LAMA4: variants seen among roughly 807,000 people sequenced by gnomAD.
LAMA4 encodes the protein laminin subunit alpha 4.
In LAMA4, 127 loss-of-function variants were observed where a neutral mutation model predicts 207.1. That is an observed-to-expected ratio of 0.61 (90% CI 0.53 to 0.71). The LOEUF (loss-of-function observed/expected upper bound fraction) is 0.71. Among genes scored for constraint, LAMA4 ranks in the 30% least tolerant of loss-of-function variants. The probability of loss-of-function intolerance (pLI) is 0.00; values close to 1 mark genes in which losing one functional copy is unlikely to be tolerated. For missense variants in LAMA4, 2,093 were observed against 2,246.5 expected, an observed-to-expected ratio of 0.93 and a Z score of 1.38; for synonymous variants, 761 against 816.0, an observed-to-expected ratio of 0.93 and a Z score of 1.15.
chr6:112,113,499 A>C (rs1777826628), intron 38 of LAMA4, among the ~76,000 whole-genome samples: 1 of 152,200 alleles, frequency 6.6e-6, no homozygotes, highest in African/African-American at 2.4e-5. Context: ...GTTGTCCATA[A>C]GTGTCCTGTC....
At chr6:112,228,277 A>G (rs1785340153) in intron 2 of LAMA4, among the ~76,000 whole-genome samples, 1 of 152,180 alleles carries the variant, frequency 6.6e-6, no homozygotes, top group African/African-American at 2.4e-5. Flanking sequence ...CGGAATTTAG[A>G]TTATGTTCTT....
intron 25 of LAMA4, chr6:112,135,832 A>T: frequency 2.7e-6 from 1 of 371,106 alleles, no homozygotes; most frequent in Non-Finnish European, 5.1e-6. Context: ...ATCCTGTAGG[A>T]ATACCAATTG....
At chr6:112,251,076 G>T (rs1176141550) in intron 2 of LAMA4, among the ~76,000 whole-genome samples, 1 of 152,144 alleles carries the variant, frequency 6.6e-6, no homozygotes, top group African/African-American at 2.4e-5. Context: ...CAGCAATAAA[G>T]GACTCAGTAG....
chr6:112,209,722 A>G (rs1583898184), intron 3 of LAMA4, among the ~76,000 whole-genome samples: 3 of 152,294 alleles, frequency 2.0e-5, no homozygotes, highest in Admixed American at 2.0e-4. Flanking sequence ...TTACTTTGAG[A>G]TTGCAAAATG....
At chr6:112,160,522 AG>A (rs1332476408) in intron 13 of LAMA4, among the ~76,000 whole-genome samples, 1 of 152,196 alleles carries the variant, frequency 6.6e-6, no homozygotes, top group East Asian at 1.9e-4. Context: ...GCTTTGACAC[AG>A]TGCACTTTAC....
chr6:112,159,814 G>A (rs1583755250), intron 13 of LAMA4, among the ~76,000 whole-genome samples: 1 of 152,180 alleles, frequency 6.6e-6, no homozygotes, highest in African/African-American at 2.4e-5. Flanking sequence ...TGAGAGGGGA[G>A]TGGTTGATTT....
At position 112,136,162 on chromosome 6, in the gene LAMA4, C is replaced by T. The variant is rs143728627; in HGVS notation, c.3375G>A (p.Thr1125=). The T allele has an allele frequency of 9.9e-5, 160 of 1,612,974 alleles. 1 individual carries two copies. In the South Asian group the frequency reaches 1.5e-3, roughly 15 times the overall value. ...CATCATTAATTTGAGCTTTCTTTAA[C>T]GTATCTTCAAGATGCACAGGGCCAC... ...FSGGPVHLED[T]LKKAQINDAK... is the part of the protein sequence containing the mutation. The change falls in exon 25 of 39, where the codon ACG becomes ACA. Residue 1125 remains threonine (T), a synonymous_variant. Coordinates refer to ENST00000230538, the MANE Select transcript of LAMA4 (RefSeq NM_001105206.3).
chr6:112,113,529 C>T (rs1003478781), intron 38 of LAMA4, among the ~76,000 whole-genome samples: 14 of 152,156 alleles, frequency 9.2e-5, no homozygotes, highest in African/African-American at 3.4e-4. Flanking sequence ...GATTATACAC[C>T]ATTCTTGGCA....
chr6:112,131,097 TCTGA>T lies in LAMA4; in HGVS notation c.3835_3838del (p.Ser1279ThrfsTer16). On this transcript the variant is annotated frameshift_variant and splice_region_variant, in exon 29 of 39. Coordinates refer to ENST00000230538, the MANE Select transcript of LAMA4 (RefSeq NM_001105206.3). LOFTEE classifies it high-confidence loss of function. ...ATTATCCAGTGAGATGGAGAACACGTCTGACTGAAATGCAAGCACAGGCATGTAA... is the reference window on the plus strand; with the variant it reads ...ATTATCCAGTGAGATGGAGAACACGTCTGAAATGCAAGCACAGGCATGTAA... 6.2e-7 allele frequency: 1 copy of T among 1,613,036 alleles called. No homozygotes were observed. The highest frequency in any genetic ancestry group is 1.1e-5 in the South Asian group (1 of 91,054).
At chr6:112,241,116 A>AAT (rs1344034886) in intron 2 of LAMA4, among the ~76,000 whole-genome samples, 1 of 105,272 alleles carries the variant, frequency 9.5e-6, no homozygotes, top group African/African-American at 2.9e-5. Flanking sequence ...TATATATATG[A>AAT]ATATATATAT....
intron 17 of LAMA4, 92 bp from the exon 18 acceptor site, chr6:112,148,428 A>G: frequency 7.2e-7 from 1 of 1,391,394 alleles, no homozygotes; most frequent in South Asian, 1.2e-5. Flanking sequence ...AATGAAACAG[A>G]TCTCACATTT....
rs117427733 is a variant in LAMA4, at chr6:112,189,195, G to A, written c.729C>T (p.Cys243=). The A allele has an allele frequency of 1.4e-5, 23 of 1,613,096 alleles. No individual in the cohort carries two copies. Among genetic ancestry groups the A allele is most frequent in the East Asian group, 8.9e-5 (4 of 44,856 alleles). The change falls in exon 7 of 39, where the codon TGC becomes TGT. Residue 243 remains cysteine, a synonymous_variant. Coordinates refer to ENST00000230538, the MANE Select transcript of LAMA4 (RefSeq NM_001105206.3). ...TTACACTGTCACATGGGCCTCCCCC[G>A]CAGTTGCACACTGTGGGAAACAAAA... ...RIAKNCAVCN[C]GGGPCDSVTG... is the part of the protein sequence containing the mutation.
At chr6:112,182,390 A>G (rs145181734) in intron 9 of LAMA4, among the ~76,000 whole-genome samples, 1 of 152,220 alleles carries the variant, frequency 6.6e-6, no homozygotes, top group Admixed American at 6.5e-5. Flanking sequence ...AGTAATACTC[A>G]GCATATGGTA....
At chr6:112,180,561 T>C (rs1583814587) in intron 9 of LAMA4, among the ~76,000 whole-genome samples, 1 of 152,218 alleles carries the variant, frequency 6.6e-6, no homozygotes, top group Non-Finnish European at 1.5e-5. Flanking sequence ...TAGTTGGTGG[T>C]TTACATTACA....
chr6:112,221,265 C>T (rs570279952), intron 2 of LAMA4, among the ~76,000 whole-genome samples: 4 of 152,138 alleles, frequency 2.6e-5, no homozygotes, highest in Non-Finnish European at 5.9e-5. Context: ...CTCTACAGCC[C>T]TAGTGTCTAT....
chr6:112,122,182 G>T lies in LAMA4; in HGVS notation c.4307C>A (p.Ala1436Glu), dbSNP rs1470494367. ...CAGAGCAACAGGATCCCATGAAGGT[G>T]CATCTTTACTTTTCCCTCCCTATAA... ...QNKKGGKSKD[A>E]PSWDPVALKL... is the part of the protein sequence containing the mutation. Residue 1436 changes from alanine to glutamate, a missense_variant, in exon 32 of 39, where the codon GCA becomes GAA. Around this residue, in one of 3 missense-constraint regions of LAMA4, gnomAD observed 1,704 missense variants for 1,788.4 expected, o/e 0.95. Coordinates refer to ENST00000230538, the MANE Select transcript of LAMA4 (RefSeq NM_001105206.3). The T allele has an allele frequency of 6.2e-7, 1 of 1,613,546 alleles. No individual in the cohort carries two copies. Among genetic ancestry groups the T allele is most frequent in the African/African-American group, 1.3e-5 (1 of 74,876 alleles).
At chr6:112,238,536 C>G (rs1391615309) in intron 2 of LAMA4, among the ~76,000 whole-genome samples, 1 of 151,876 alleles carries the variant, frequency 6.6e-6, no homozygotes, top group Non-Finnish European at 1.5e-5. Context: ...ATGGTGAAAC[C>G]CTGTCTCTCC....
intron 3 of LAMA4, among the ~76,000 whole-genome samples, chr6:112,215,990 A>G (rs1784604211): frequency 6.6e-6 from 1 of 152,198 alleles, no homozygotes; most frequent in African/African-American, 2.4e-5. Context: ...CAACTGTTTC[A>G]TTCTCCTGGT....
chr6:112,201,004 A>G (rs889737446), intron 5 of LAMA4, among the ~76,000 whole-genome samples: 5 of 152,008 alleles, frequency 3.3e-5, no homozygotes, highest in African/African-American at 1.2e-4. Context: ...CACGTTCTGC[A>G]CATGTATCCC....
Sources: gnomAD v4.1 joint callset for allele counts (sites outside exome capture counted in the v4.1 genomes callset) on GRCh38, gnomAD v4.1.1 for gene constraint, gnomAD v4.1.1 regional missense constraint, MANE v1.5 for transcripts, NCBI Gene and HGNC (gene_info 2026-07-23, HGNC 2026-07-21) for gene names.